The following DZIP3 variants were observed in gnomAD, a reference collection of about 807,000 sequenced individuals.
DZIP3 encodes E3 ubiquitin-protein ligase DZIP3.
In DZIP3, 118 loss-of-function variants were observed where a neutral mutation model predicts 162.0. That is an observed-to-expected ratio of 0.73 (90% confidence interval 0.63 to 0.85). The LOEUF (loss-of-function observed/expected upper bound fraction) is 0.85. Among genes scored for constraint, DZIP3 ranks in the 40% least tolerant of loss-of-function variants. The probability of loss-of-function intolerance (pLI) is 0.00; values close to 1 mark genes in which losing one functional copy is unlikely to be tolerated. For missense variants in DZIP3, 1,331 were observed against 1,407.0 expected, an observed-to-expected ratio of 0.95 and a Z score of 0.86; for synonymous variants, 438 against 458.6, an observed-to-expected ratio of 0.96 and a Z score of 0.57.
intron 1 of DZIP3, among the ~76,000 whole-genome samples, chr3:108,594,597 C>T (rs993331507): frequency 3.3e-5 from 5 of 151,874 alleles, no homozygotes; most frequent in Admixed American, 3.3e-4. Context: ...CTCCTCCCAC[C>T]CTCTGCCCTC....
At chr3:108,596,044 GA>G (rs1939697033) in intron 1 of DZIP3, among the ~76,000 whole-genome samples, 1 of 152,064 alleles carries the variant, frequency 6.6e-6, no homozygotes, top group Admixed American at 6.5e-5. Context: ...ATTAGGGAGT[GA>G]AAAAAGGGAG....
At chr3:108,631,055 A>ACACACACACACACACACACTCTCT in intron 8 of DZIP3, among the ~76,000 whole-genome samples, 17 of 18,012 alleles carry the variant, frequency 9.4e-4, no homozygotes, top group Non-Finnish European at 1.3e-3. Context: ...ACACACACAC[A>ACACACACACACACACACACTCTCT]CTCTCTCTCT....
In DZIP3 at chr3:108,644,146, C is replaced by G; in HGVS notation, c.1142-18C>G. 1 of 1,571,072 alleles carries G rather than the reference C, an allele frequency of 6.4e-7. No individual in the cohort carries two copies. ...GCATTAATGTGGAATGTCTTGACTT[C>G]TCAAAATTTATTTTCAGATGAAATG... On this transcript the variant is annotated intron_variant, in intron 13 of 32. Coordinates refer to ENST00000361582, the MANE Select transcript of DZIP3 (RefSeq NM_014648.4).
At position 108,675,873 on chromosome 3, in the gene DZIP3, G is replaced by A. The variant is rs928158804; in HGVS notation, c.2781G>A (p.Arg927=). ...TTAGAAACAAGATTGCATTCCTCAG[G>A]GTAAGTCCTGAAGTATATTTGGAGA... ...ADVRNKIAFL[R]TQYNEQINKV... The change falls in exon 25 of 33, where the codon AGG becomes AGA. Residue 927 remains arginine, a splice_region_variant and synonymous_variant. Coordinates refer to ENST00000361582, the MANE Select transcript of DZIP3 (RefSeq NM_014648.4). 1.2e-6 allele frequency: 2 copies of A among 1,608,320 alleles called. No homozygotes were observed. Among genetic ancestry groups the A allele is most frequent in the Non-Finnish European group, 1.7e-6 (2 of 1,177,092 alleles).
intron 4 of DZIP3, 130 bp downstream of exon 4, chr3:108,611,459 A>T (rs1940703618): frequency 8.8e-7 from 1 of 1,131,374 alleles, no homozygotes; most frequent in Non-Finnish European, 1.2e-6. Context: ...CTTCTTGTAA[A>T]GGGCTTTGTT....
At chr3:108,658,416 G>A (rs1479731055) in intron 19 of DZIP3, among the ~76,000 whole-genome samples, 1 of 151,970 alleles carries the variant, frequency 6.6e-6, no homozygotes, top group Non-Finnish European at 1.5e-5. Context: ...AATGAAGGCA[G>A]AAATAAAGAT....
intron 28 of DZIP3, among the ~76,000 whole-genome samples, 168 bp downstream of exon 28, chr3:108,686,752 G>C (rs1199773818): frequency 1.3e-5 from 2 of 152,098 alleles, no homozygotes; most frequent in Non-Finnish European, 2.9e-5. Flanking sequence ...AGAAGAGACA[G>C]TGTTCAATGG....
chr3:108,615,276 AT>A (rs1940944763), intron 4 of DZIP3, among the ~76,000 whole-genome samples: 1 of 152,086 alleles, frequency 6.6e-6, no homozygotes, highest in African/African-American at 2.4e-5. Flanking sequence ...AGTTATTCTC[AT>A]TGGGAGACTG....
chr3:108,620,756 A>G (rs576734134), intron 5 of DZIP3, among the ~76,000 whole-genome samples: 26 of 152,174 alleles, frequency 1.7e-4, no homozygotes, highest in Non-Finnish European at 2.8e-4. Flanking sequence ...TGTTCATACT[A>G]TTTTGCAGAA....
chr3:108,612,014 T>C (rs1237218497), intron 4 of DZIP3, among the ~76,000 whole-genome samples: 1 of 152,022 alleles, frequency 6.6e-6, no homozygotes, highest in Non-Finnish European at 1.5e-5. Context: ...TTAAAAATCA[T>C]ATCCAAATAT....
intron 4 of DZIP3, among the ~76,000 whole-genome samples, chr3:108,613,083 A>G (rs1940807442): frequency 6.6e-6 from 1 of 152,122 alleles, no homozygotes; most frequent in Non-Finnish European, 1.5e-5. Context: ...AAATTTAGAA[A>G]TCAATACTGC....
chr3:108,665,995 T>C (rs1943658678), intron 21 of DZIP3, among the ~76,000 whole-genome samples: 1 of 152,030 alleles, frequency 6.6e-6, no homozygotes, highest in South Asian at 2.1e-4. Flanking sequence ...AATATATATA[T>C]AGTAGAAGCT....
chr3:108,599,641 C>T, intron 1 of DZIP3, among the ~76,000 whole-genome samples: 1 of 152,130 alleles, frequency 6.6e-6, no homozygotes, highest in East Asian at 1.9e-4. Flanking sequence ...TGTGTCCCCC[C>T]TCATTCAGTG....
At chr3:108,620,977 A>G (rs1389746798) in intron 5 of DZIP3, among the ~76,000 whole-genome samples, 3 of 151,964 alleles carry the variant, frequency 2.0e-5, no homozygotes, top group Non-Finnish European at 2.9e-5. Context: ...GCGTGCCACC[A>G]CGCCTGGCTA....
At chr3:108,655,935 C>T (rs1218362164) in intron 19 of DZIP3, among the ~76,000 whole-genome samples, 3 of 152,122 alleles carry the variant, frequency 2.0e-5, no homozygotes, top group Non-Finnish European at 2.9e-5. Flanking sequence ...ATGGTGGCAG[C>T]GAGGCTAGGG....
chr3:108,634,225 G>T (rs565085483), intron 9 of DZIP3, among the ~76,000 whole-genome samples: 8 of 152,184 alleles, frequency 5.3e-5, no homozygotes, highest in Admixed American at 3.9e-4. Context: ...GTTCAGTATT[G>T]GTTTAGATGA....
At chr3:108,651,798 C>T (rs1942881768) in intron 18 of DZIP3, among the ~76,000 whole-genome samples, 1 of 151,682 alleles carries the variant, frequency 6.6e-6, no homozygotes, top group African/African-American at 2.4e-5. Flanking sequence ...TGGAGACAGT[C>T]TAATGAAGAG....
intron 3 of DZIP3, among the ~76,000 whole-genome samples, chr3:108,610,238 C>T (rs1940626227): frequency 6.6e-6 from 1 of 152,024 alleles, no homozygotes; most frequent in Admixed American, 6.6e-5. Context: ...GTACTCAAAC[C>T]CATTTTTTAC....
chr3:108,608,972 G>A (rs1204953111), intron 3 of DZIP3, among the ~76,000 whole-genome samples: 1 of 152,166 alleles, frequency 6.6e-6, no homozygotes, highest in Admixed American at 6.5e-5. Flanking sequence ...CATGGGGGAA[G>A]GCAAAGGGGA....
Sources: allele counts gnomAD v4.1 joint callset (sites outside exome capture counted in the v4.1 genomes callset), GRCh38; gene constraint gnomAD v4.1.1; transcripts MANE v1.5; gene names NCBI Gene and HGNC (gene_info 2026-07-23, HGNC 2026-07-21).